BLTP1: variants seen among roughly 807,000 people sequenced by gnomAD.
BLTP1 encodes the protein fragile site-associated protein.
chr4:122,257,543 TAG>T, the BLTP1 span: 1 of 1,559,136 alleles, frequency 6.4e-7, no homozygotes, highest in East Asian at 2.2e-5. Context: ...CTCACAAAAC[TAG>T]GGTGTTTTCT....
chr4:122,344,230 G>C, the BLTP1 span: 71 of 861,890 alleles, frequency 8.2e-5, no homozygotes, highest in Non-Finnish European at 1.1e-4. Context: ...AAATGCTAAT[G>C]CTCATTAGAT....
chr4:122,176,720 A>T, the BLTP1 span, among the ~76,000 whole-genome samples: 12 of 152,200 alleles, frequency 7.9e-5, no homozygotes, highest in African/African-American at 2.7e-4. Flanking sequence ...AAAAAAAATG[A>T]TAAAGGCCCA....
chr4:122,247,110 C>A, the BLTP1 span: 4 of 1,556,746 alleles, frequency 2.6e-6, no homozygotes, highest in East Asian at 9.2e-5. Flanking sequence ...TTTCTCTGAA[C>A]TGTATTATTT....
chr4:122,224,338 C>T, the BLTP1 span: 1 of 366,044 alleles, frequency 2.7e-6, no homozygotes, highest in Non-Finnish European at 3.8e-6. Context: ...CTCAGAATAC[C>T]TCTGCGGGTA....
the BLTP1 span, chr4:122,207,902 ATGTT>A: frequency 1.0e-6 from 1 of 984,498 alleles, no homozygotes; most frequent in African/African-American, 1.7e-5. Context: ...GCTAATCTGT[ATGTT>A]AGCCCTTCTA....
the BLTP1 span, chr4:122,257,296 A>G: frequency 3.7e-6 from 6 of 1,613,668 alleles, no homozygotes; most frequent in African/African-American, 6.7e-5. Flanking sequence ...AGAAAGGTTT[A>G]GTTGCACTGG....
At chr4:122,224,645 G>C in the BLTP1 span, 1 of 1,614,022 alleles carries the variant, frequency 6.2e-7, no homozygotes, top group Admixed American at 1.7e-5. Flanking sequence ...TGTGCAGGCT[G>C]GAAGTCTTAC....
chr4:122,155,093 T>G, the BLTP1 span: 1 of 206,920 alleles, frequency 4.8e-6, no homozygotes, highest in African/African-American at 2.4e-5. Context: ...AGCAATGGTC[T>G]TCATGGCCCT....
chr4:122,228,074 C>T, the BLTP1 span, among the ~76,000 whole-genome samples: 3 of 151,814 alleles, frequency 2.0e-5, no homozygotes, highest in South Asian at 2.1e-4. Context: ...CCACCACGCC[C>T]GGCTAATTTT....
the BLTP1 span, chr4:122,167,897 G>A: frequency 4.1e-6 from 4 of 985,318 alleles, no homozygotes; most frequent in African/African-American, 1.7e-5. Context: ...TTGTTCCACC[G>A]TTTGCTCCAT....
At chr4:122,271,004 T>C in the BLTP1 span, 2 of 1,557,342 alleles carry the variant, frequency 1.3e-6, no homozygotes, top group Middle Eastern at 3.5e-4. Flanking sequence ...CCTTTTTTTA[T>C]TTCACGTTTT....
At chr4:122,223,088 A>G in the BLTP1 span, 11 of 871,268 alleles carry the variant, frequency 1.3e-5, no homozygotes, top group African/African-American at 2.0e-4. Flanking sequence ...AAGGAAATTA[A>G]TGCCTGGAGA....
the BLTP1 span, chr4:122,197,310 T>A: frequency 7.7e-7 from 1 of 1,304,742 alleles, no homozygotes; most frequent in Non-Finnish European, 1.0e-6. Context: ...TTTAAATAAT[T>A]AGGGAAATAA....
chr4:122,307,808 C>T, the BLTP1 span: 1 of 1,466,200 alleles, frequency 6.8e-7, no homozygotes, highest in African/African-American at 1.4e-5. Context: ...CCTCTTAGAT[C>T]TTTCCTAATT....
chr4:122,233,870 G>A, the BLTP1 span, among the ~76,000 whole-genome samples: 3 of 151,984 alleles, frequency 2.0e-5, no homozygotes, highest in Non-Finnish European at 4.4e-5. Context: ...TATGGATAAG[G>A]ACTATATCAG....
the BLTP1 span, among the ~76,000 whole-genome samples, chr4:122,191,493 A>T: frequency 3.9e-5 from 6 of 152,146 alleles, no homozygotes; most frequent in Admixed American, 1.3e-4. Context: ...TATTTGGAAA[A>T]AATTTGCATT....
the BLTP1 span, chr4:122,343,320 T>A: frequency 1.3e-6 from 2 of 1,515,978 alleles, no homozygotes; most frequent in Non-Finnish European, 1.8e-6. Flanking sequence ...TCCATTTTAT[T>A]CTGAAGTCAT....
the BLTP1 span, chr4:122,245,986 T>G: frequency 2.9e-6 from 1 of 343,886 alleles, no homozygotes; most frequent in African/African-American, 2.2e-5. Context: ...TACCAGTCTT[T>G]TTCCTAGCTT....
the BLTP1 span, chr4:122,263,014 T>C: frequency 3.7e-6 from 6 of 1,600,088 alleles, no homozygotes; most frequent in East Asian, 1.1e-4. Context: ...AATTACATGT[T>C]TATATTTACG....
Sources: allele counts gnomAD v4.1 joint callset (sites outside exome capture counted in the v4.1 genomes callset), GRCh38; gene constraint gnomAD v4.1.1; transcripts MANE v1.5; gene names NCBI Gene and HGNC (gene_info 2026-07-23, HGNC 2026-07-21).